Variants in PRKAG2 observed in about 807,000 individuals in gnomAD.
PRKAG2 encodes the protein 5'-AMP-activated protein kinase subunit gamma-2.
PRKAG2 carries 26 observed loss-of-function variants against 69.6 expected under a neutral mutation model. The ratio of observed to expected loss-of-function variants is 0.37; its 90% confidence interval spans 0.27 to 0.52. The LOEUF is 0.52. Ranked by LOEUF, PRKAG2 falls within the 20% of genes least tolerant of loss-of-function variation. The pLI is 0.90. For missense variants in PRKAG2, 557 were observed against 740.0 expected (o/e 0.75, Z 2.87); for synonymous variants, 293 against 285.0 (o/e 1.03, Z -0.28).
At chr7:151,678,261 C>T (rs1159931718) in intron 3 of PRKAG2, among the ~76,000 whole-genome samples, 1 of 152,248 alleles carries the variant, frequency 6.6e-6, no homozygotes, top group African/African-American at 2.4e-5. Flanking sequence ...CCACCAAGAT[C>T]TACCGTCTGT....
chr7:151,763,817 C>A (rs527862867), intron 3 of PRKAG2, among the ~76,000 whole-genome samples: 2 of 152,364 alleles, frequency 1.3e-5, no homozygotes, highest in African/African-American at 4.8e-5. Context: ...AGGGCTATAG[C>A]TGCTGCCTGT....
chr7:151,818,492 G>A (rs2078697945), intron 1 of PRKAG2, among the ~76,000 whole-genome samples: 2 of 152,256 alleles, frequency 1.3e-5, no homozygotes, highest in African/African-American at 4.8e-5. Context: ...CCAGAACCCT[G>A]TGTCCAGAGC....
intron 3 of PRKAG2, among the ~76,000 whole-genome samples, chr7:151,696,977 A>C (rs1585846882): frequency 2.0e-5 from 3 of 152,130 alleles, no homozygotes; most frequent in African/African-American, 7.2e-5. Flanking sequence ...CCCGAGAGCC[A>C]GGCAGAAAAA....
At chr7:151,660,015 T>C (rs1471405082) in intron 4 of PRKAG2, among the ~76,000 whole-genome samples, 3 of 152,172 alleles carry the variant, frequency 2.0e-5, no homozygotes, top group Non-Finnish European at 4.4e-5. Flanking sequence ...GCTATGATCA[T>C]GCCACTGTAC....
At chr7:151,571,582 T>C (rs1412928860) in intron 9 of PRKAG2, among the ~76,000 whole-genome samples, 1 of 152,208 alleles carries the variant, frequency 6.6e-6, no homozygotes, top group South Asian at 2.1e-4. Context: ...AAATATCATG[T>C]AATGTCAAAA....
At chr7:151,875,092 T>TTA (rs1473912238) in intron 1 of PRKAG2, among the ~76,000 whole-genome samples, 2 of 152,244 alleles carry the variant, frequency 1.3e-5, no homozygotes, top group Non-Finnish European at 2.9e-5. Flanking sequence ...TTTAAATGTC[T>TTA]TACATGAGAG....
intron 1 of PRKAG2, among the ~76,000 whole-genome samples, chr7:151,804,733 TG>T (rs1377065340): frequency 2.6e-5 from 4 of 152,134 alleles, no homozygotes; most frequent in African/African-American, 7.2e-5. Context: ...CTTTATTCCG[TG>T]GTGTTCCATC....
intron 1 of PRKAG2, among the ~76,000 whole-genome samples, chr7:151,861,401 G>A (rs2079918178): frequency 1.3e-5 from 2 of 151,924 alleles, no homozygotes; most frequent in Admixed American, 1.3e-4. Context: ...GGTGGTGCAT[G>A]CTTGTAATCC....
intron 15 of PRKAG2, chr7:151,559,081 GAA>G (rs1804385047): frequency 1.0e-6 from 1 of 985,436 alleles, no homozygotes; most frequent in South Asian, 4.7e-5. Flanking sequence ...TCTGCCCAGA[GAA>G]GAGGCCTTTT....
chr7:151,789,754 G>A (rs551131604), intron 1 of PRKAG2, among the ~76,000 whole-genome samples: 9 of 152,296 alleles, frequency 5.9e-5, no homozygotes, highest in African/African-American at 1.2e-4. Context: ...ACTGGCCTGC[G>A]GTACAGCGAG....
intron 3 of PRKAG2, among the ~76,000 whole-genome samples, chr7:151,765,171 T>C (rs973064962): frequency 5.3e-5 from 8 of 152,196 alleles, no homozygotes; most frequent in Non-Finnish European, 7.3e-5. Flanking sequence ...AAAAAAAGTT[T>C]AATTGACTCA....
At position 151,788,259 on chromosome 7, in the gene PRKAG2, T is replaced by G. The variant is rs891223939; in HGVS notation, c.115-1718A>C. ...AATTTCTCCACATCCTCATCAACAC[T>G]TGTTATCTTTGGTCTTTGTTTTCTG... is the stretch of plus-strand genomic sequence containing the variant. On this transcript the variant is annotated intron_variant, in intron 1 of 15. Coordinates refer to ENST00000287878, the MANE Select transcript of PRKAG2 (RefSeq NM_016203.4). This position sits in a 1 kb window ranked among gnomAD's most constrained non-coding sequence, Gnocchi z 4.6. Among the ~76,000 whole-genome samples the G allele has an allele frequency of 2.0e-5, 3 of 152,206 alleles. No individual in the cohort carries two copies. The highest frequency in any genetic ancestry group is 2.9e-5 in the Non-Finnish European group (2 of 68,034).
rs948720488 is a variant in PRKAG2 at position 151,756,528 on chromosome 7, G to A, written c.466+24624C>T. ...ACCCCTACTCTGCCTGGATGCAGGGGCTGACCTCTGACCCCTGCTGCCATG... is the reference window on the plus strand; with the variant it reads ...ACCCCTACTCTGCCTGGATGCAGGGACTGACCTCTGACCCCTGCTGCCATG... On this transcript the variant is annotated intron_variant, in intron 3 of 15. Coordinates refer to ENST00000287878, the MANE Select transcript of PRKAG2 (RefSeq NM_016203.4). This position sits in a 1 kb window ranked among gnomAD's most constrained non-coding sequence, Gnocchi z 4.9. Among the ~76,000 whole-genome samples, 2 of 152,212 alleles carry A rather than the reference G, an allele frequency of 1.3e-5. No individual in the cohort carries two copies. Among genetic ancestry groups the A allele is most frequent in the Non-Finnish European group, 2.9e-5 (2 of 68,034 alleles).
At chr7:151,698,959 C>G (rs1277171735) in intron 3 of PRKAG2, among the ~76,000 whole-genome samples, 1 of 152,200 alleles carries the variant, frequency 6.6e-6, no homozygotes, top group Non-Finnish European at 1.5e-5. Context: ...GGAAAACCCA[C>G]CTCTGCAAGA....
intron 1 of PRKAG2, among the ~76,000 whole-genome samples, chr7:151,855,269 A>G (rs865934672): frequency 0.05 from 2,242 of 45,164 alleles, 9 homozygotes; most frequent in East Asian, 0.092. Context: ...CACACACACC[A>G]CCCTCCACAC....
intron 15 of PRKAG2, 48 bp from the exon 16 acceptor site, chr7:151,557,280 G>T: frequency 6.2e-7 from 1 of 1,613,812 alleles, no homozygotes; most frequent in Non-Finnish European, 8.5e-7. Flanking sequence ...GGTAACAGCA[G>T]GGTTCTCTAC....
chr7:151,674,267 T>A (rs1205871462), intron 4 of PRKAG2, among the ~76,000 whole-genome samples: 1 of 152,174 alleles, frequency 6.6e-6, no homozygotes, highest in Non-Finnish European at 1.5e-5. Context: ...AAGGAAGAAC[T>A]CTCCCTAGAG....
intron 3 of PRKAG2, among the ~76,000 whole-genome samples, chr7:151,684,230 C>T (rs1180019624): frequency 6.6e-6 from 1 of 152,182 alleles, no homozygotes; most frequent in East Asian, 1.9e-4. Flanking sequence ...GCGGTAATGA[C>T]TCCTGAAACC....
intron 4 of PRKAG2, among the ~76,000 whole-genome samples, chr7:151,647,733 G>T (rs552231934): frequency 6.6e-6 from 1 of 152,278 alleles, no homozygotes; most frequent in South Asian, 2.1e-4. Flanking sequence ...GGATTTCTTA[G>T]GATTGCATGT....
Sources: gnomAD v4.1 joint callset for allele counts (sites outside exome capture counted in the v4.1 genomes callset) on GRCh38, gnomAD v4.1.1 for gene constraint, Gnocchi (gnomAD v3.1) non-coding constraint, MANE v1.5 for transcripts, NCBI Gene and HGNC (gene_info 2026-07-23, HGNC 2026-07-21) for gene names.